TMEM45A: variants seen among roughly 807,000 people sequenced by gnomAD.
TMEM45A encodes DNA polymerase-transactivated protein 4.
Under a neutral mutation model 32.0 loss-of-function variants are expected in TMEM45A, and 25 were observed. The ratio of observed to expected loss-of-function variants is 0.78; its 90% confidence interval spans 0.57 to 1.09. TMEM45A has a LOEUF of 1.09. TMEM45A is among the 50% of genes least tolerant of loss of function. TMEM45A has a pLI of 0.00. For missense variants in TMEM45A, 302 were observed against 325.0 expected, an observed-to-expected ratio of 0.93 and a Z score of 0.54; for synonymous variants, 122 against 114.8, an observed-to-expected ratio of 1.06 and a Z score of -0.40.
intron 1 of TMEM45A, among the ~76,000 whole-genome samples, chr3:100,515,117 C>A (rs1344310060): frequency 1.3e-5 from 2 of 149,774 alleles, no homozygotes; most frequent in Admixed American, 6.7e-5. Flanking sequence ...CCCAGCCATC[C>A]CATTACTGGG....
At chr3:100,500,998 T>A (rs1459097279) in intron 1 of TMEM45A, among the ~76,000 whole-genome samples, 1 of 152,188 alleles carries the variant, frequency 6.6e-6, no homozygotes, top group African/African-American at 2.4e-5. Context: ...ACTGTACTAC[T>A]TGTAAAATTC....
At chr3:100,556,010 A>G (rs1706214691) in intron 2 of TMEM45A, among the ~76,000 whole-genome samples, 1 of 151,364 alleles carries the variant, frequency 6.6e-6, no homozygotes, top group East Asian at 1.9e-4. Context: ...TTTGAGATGG[A>G]GTCTCGGTCT....
chr3:100,509,332 G>A (rs1006296664), intron 1 of TMEM45A, among the ~76,000 whole-genome samples: 23 of 152,206 alleles, frequency 1.5e-4, no homozygotes, highest in African/African-American at 5.5e-4. Flanking sequence ...CACATTGTTG[G>A]TGAGAATGTA....
chr3:100,503,610 A>C (rs980014284), intron 1 of TMEM45A, among the ~76,000 whole-genome samples: 4 of 152,184 alleles, frequency 2.6e-5, no homozygotes, highest in Non-Finnish European at 5.9e-5. Context: ...GTGTGATGGG[A>C]CTTTGTCCAA....
At chr3:100,527,644 GT>G (rs1202043168) in intron 1 of TMEM45A, among the ~76,000 whole-genome samples, 1 of 152,154 alleles carries the variant, frequency 6.6e-6, no homozygotes, top group Non-Finnish European at 1.5e-5. Flanking sequence ...CAATTTTATT[GT>G]GGGTGTTTTA....
intron 1 of TMEM45A, among the ~76,000 whole-genome samples, chr3:100,503,408 C>T (rs575909869): frequency 2.0e-5 from 3 of 152,220 alleles, no homozygotes; most frequent in East Asian, 3.9e-4. Context: ...CCTGGCCTCT[C>T]CTTGCTGCTT....
At chr3:100,560,995 A>G (rs1706320526) in intron 4 of TMEM45A, among the ~76,000 whole-genome samples, 1 of 152,048 alleles carries the variant, frequency 6.6e-6, no homozygotes, top group South Asian at 2.1e-4. Context: ...TTATTTAGAA[A>G]ATTTTTCATC....
intron 3 of TMEM45A, among the ~76,000 whole-genome samples, chr3:100,557,906 G>T (rs549620142): frequency 6.6e-6 from 1 of 152,122 alleles, no homozygotes; most frequent in Non-Finnish European, 1.5e-5. Flanking sequence ...AAATCCACCC[G>T]TATGTGTTTG....
At chr3:100,530,386 G>A (rs1196149570) in intron 1 of TMEM45A, among the ~76,000 whole-genome samples, 2 of 152,184 alleles carry the variant, frequency 1.3e-5, no homozygotes, top group African/African-American at 2.4e-5. Context: ...TCCTAGAGAA[G>A]ACCTCAGTCT....
rs1707866686 is a variant in TMEM45A at position 100,492,852 on chromosome 3, A to T, written c.-80A>T. 1 of 151,940 alleles carries T rather than the reference A, an allele frequency of 6.6e-6. No homozygotes were observed. Among genetic ancestry groups the T allele is most frequent in the Non-Finnish European group, 1.5e-5 (1 of 68,004 alleles). 9.4% of individuals were successfully genotyped at this position (151,940 alleles called of 1,614,324 possible). A position where few individuals can be genotyped will look rare whatever the true frequency, so the allele number is the denominator to read the frequency against. On this transcript the variant is annotated 5_prime_UTR_variant, in exon 1 of 6. Transcript: ENST00000323523. ...GATCAAAAGAACAGAAACAGCAACA[A>T]CAAAAGCCCAGCCGCTGTCTGATTT...
chr3:100,525,171 A>G (rs1705517264), intron 1 of TMEM45A, among the ~76,000 whole-genome samples: 1 of 152,124 alleles, frequency 6.6e-6, no homozygotes. Context: ...CTGGGCAACA[A>G]AGCAAGACCT....
chr3:100,519,557 A>C lies in TMEM45A; in HGVS notation c.-4+26629A>C, dbSNP rs72945208. ...GTTCTAACGTGCCTGATCTACTGAG[A>C]CCAAGGATGACCAATGACTCAGAAG... is the stretch of plus-strand genomic sequence containing the variant. On this transcript the variant is annotated intron_variant, in intron 1 of 5. Coordinates refer to ENST00000323523, the MANE Select transcript of TMEM45A (RefSeq NM_018004.3). 12,625 of 1,550,950 alleles carry C rather than the reference A, an allele frequency of 8.1e-3. 931 individuals are homozygous for C. In the African/African-American group the frequency reaches 0.15, roughly 19 times the overall value.
At chr3:100,499,615 G>C (rs532511895) in intron 1 of TMEM45A, among the ~76,000 whole-genome samples, 1 of 152,126 alleles carries the variant, frequency 6.6e-6, no homozygotes, top group African/African-American at 2.4e-5. Flanking sequence ...AGTGGCTCAC[G>C]CTTTTAATCC....
Position 100,556,930 on chromosome 3 carries a change from T to A in TMEM45A, c.361T>A (p.Ser121Thr). 1 of 1,614,218 alleles carries A rather than the reference T, an allele frequency of 6.2e-7. No individual in the cohort carries two copies. Reference sequence around the variant, plus strand: ...TTTCACCATCAGTTCACTTCCTGTGTCCTTAACCAAGTTAATGTTGTCAAA... The same window carrying A: ...TTTCACCATCAGTTCACTTCCTGTGACCTTAACCAAGTTAATGTTGTCAAA... ...LCFTISSLPV[S>T]LTKLMLSNAL... The change falls in exon 3 of 6, where the codon TCC becomes ACC. Residue 121 changes from serine to threonine, a missense_variant. Ser to Thr is a moderately conservative substitution (Grantham distance 58). Transcript: ENST00000323523.
chr3:100,499,003 C>T (rs186571486), intron 1 of TMEM45A, among the ~76,000 whole-genome samples: 2 of 152,128 alleles, frequency 1.3e-5, no homozygotes, highest in East Asian at 3.9e-4. Flanking sequence ...ATTTCATGTG[C>T]TTATTGGCCA....
chr3:100,528,742 T>C (rs1705593890), intron 1 of TMEM45A, among the ~76,000 whole-genome samples: 1 of 152,218 alleles, frequency 6.6e-6, no homozygotes, highest in Non-Finnish European at 1.5e-5. Flanking sequence ...GCTGGCATTG[T>C]ACTGTTTTTT....
chr3:100,495,329 A>G (rs1289557165), intron 1 of TMEM45A, among the ~76,000 whole-genome samples: 3 of 152,182 alleles, frequency 2.0e-5, no homozygotes, highest in Non-Finnish European at 4.4e-5. Context: ...TGGTTTGGGA[A>G]TGGGAGGAAG....
At chr3:100,542,310 A>G (rs1289127655) in intron 1 of TMEM45A, among the ~76,000 whole-genome samples, 1 of 152,178 alleles carries the variant, frequency 6.6e-6, no homozygotes, top group African/African-American at 2.4e-5. Context: ...CCATTTGTTT[A>G]TGTCATCTAT....
intron 1 of TMEM45A, chr3:100,519,609 G>T (rs760826244): frequency 1.1e-5 from 17 of 1,550,788 alleles, no homozygotes; most frequent in Middle Eastern, 1.7e-4. Context: ...ACACCCAAAG[G>T]TTAGTTTGGC....
Sources: gnomAD v4.1 joint callset for allele counts (sites outside exome capture counted in the v4.1 genomes callset) on GRCh38, gnomAD v4.1.1 for gene constraint, MANE v1.5 for transcripts, NCBI Gene and HGNC (gene_info 2026-07-23, HGNC 2026-07-21) for gene names.